The following TRPM7 variants were observed in gnomAD, a reference collection of about 807,000 sequenced individuals.
TRPM7 encodes transient receptor potential cation channel subfamily M member 7.
TRPM7 carries 134 observed loss-of-function variants against 229.7 expected under a neutral mutation model. The observed-to-expected ratio is 0.58, with a 90% confidence interval of 0.51 to 0.67. TRPM7 has a LOEUF of 0.67. Among genes scored for constraint, TRPM7 ranks in the 30% least tolerant of loss-of-function variants. The pLI, the probability that TRPM7 is intolerant of heterozygous loss-of-function variation, is 0.00. For missense variants in TRPM7, 1,901 were observed against 2,210.0 expected, an observed-to-expected ratio of 0.86 and a Z score of 2.80; for synonymous variants, 699 against 715.2, an observed-to-expected ratio of 0.98 and a Z score of 0.36.
Position 50,592,138 on chromosome 15 carries a change from C to T in TRPM7, c.4097G>A (p.Arg1366Gln), listed in dbSNP as rs770548523. 1.2e-5 allele frequency: 20 copies of T among 1,613,232 alleles called. No individual in the cohort carries two copies. The highest frequency in any genetic ancestry group is 4.5e-5 in the East Asian group (2 of 44,886). Residue 1366 changes from arginine to glutamine, a missense_variant, in exon 26 of 39, where the codon CGA becomes CAA. By Grantham distance (43) the Arg-to-Gln change is conservative. Around this residue, in one of 8 missense-constraint regions of TRPM7, gnomAD observed 533 missense variants for 497.1 expected, o/e 1.07. Transcript: ENST00000646667. ...FPSAVSPPEL[R>Q]QRLHGVELLK... ...GAGTTCTACCCCATGTAGTCTCTGT[C>T]GCAGTTCTGGAGGGGAAACAGCACT...
At chr15:50,652,428 T>C (rs1162555656) in intron 3 of TRPM7, among the ~76,000 whole-genome samples, 1 of 124,246 alleles carries the variant, frequency 8.0e-6, no homozygotes, top group Non-Finnish European at 1.7e-5. Flanking sequence ...ATTGAAAAGA[T>C]AAATAAAATT....
intron 1 of TRPM7, among the ~76,000 whole-genome samples, chr15:50,670,794 G>GT (rs1228533434): frequency 8.0e-6 from 1 of 124,986 alleles, no homozygotes; most frequent in African/African-American, 3.0e-5. Flanking sequence ...TCACTTTACT[G>GT]TAAAAAAAAG....
In TRPM7 at chr15:50,560,317, T is replaced by C. The variant is rs1011642721; in HGVS notation, c.*1361A>G. ...ATCTGTAAACAATAAATTTATTTCA[T>C]TTCTTTTAAAGATTTAATGATATAC... On this transcript the variant is annotated 3_prime_UTR_variant, in exon 39 of 39. Coordinates refer to ENST00000646667, the MANE Select transcript of TRPM7 (RefSeq NM_017672.6). 1.3e-5 allele frequency: 2 copies of C among 152,584 alleles called. No homozygotes were observed. The highest frequency in any genetic ancestry group is 2.9e-5 in the Non-Finnish European group (2 of 68,032). 9.5% of individuals were successfully genotyped at this position (152,584 alleles called of 1,614,324 possible). A position where few individuals can be genotyped will look rare whatever the true frequency, so the allele number is the denominator to read the frequency against.
chr15:50,566,464 G>A (rs1275995753), intron 38 of TRPM7, among the ~76,000 whole-genome samples: 1 of 152,084 alleles, frequency 6.6e-6, no homozygotes, highest in Non-Finnish European at 1.5e-5. Context: ...TTGGGAGGCC[G>A]AGTCGGGTAG....
chr15:50,567,936 G>A (rs919819450), intron 38 of TRPM7, among the ~76,000 whole-genome samples: 10 of 151,876 alleles, frequency 6.6e-5, no homozygotes, highest in Non-Finnish European at 1.3e-4. Flanking sequence ...AAAATTAGCC[G>A]GGCGCGGTGG....
At chr15:50,626,131 CTTATTA>C (rs937712833) in intron 11 of TRPM7, among the ~76,000 whole-genome samples, 1 of 152,104 alleles carries the variant, frequency 6.6e-6, no homozygotes, top group African/African-American at 2.4e-5. Flanking sequence ...TACACTGATT[CTTATTA>C]TAACTGCAGG....
In TRPM7 at chr15:50,663,057, A is replaced by ATGTTTTAAATTT; in HGVS notation, c.4-12_4-11insAAATTTAAAACA. 1 of 1,599,006 alleles carries ATGTTTTAAATTT rather than the reference A, an allele frequency of 6.3e-7. No individual in the cohort carries two copies. The highest frequency in any genetic ancestry group is 8.6e-7 in the Non-Finnish European group (1 of 1,166,830). On this transcript the variant is annotated splice_polypyrimidine_tract_variant and intron_variant, in intron 1 of 38. Coordinates refer to ENST00000646667, the MANE Select transcript of TRPM7 (RefSeq NM_017672.6). ...CCAGGATTTCTGGGACTAAAACAAA[A>ATGTTTTAAATTT]TGTTTTAAAGAATTGTTTATAAGTT...
intron 38 of TRPM7, among the ~76,000 whole-genome samples, chr15:50,564,248 A>AAAAATAAAAATAAAATAAAATAAAT (rs2053461388): frequency 8.0e-6 from 1 of 124,744 alleles, no homozygotes; most frequent in African/African-American, 3.4e-5. Flanking sequence ...GACTGTCTCA[A>AAAAATAAAAATAAAATAAAATAAAT]AAAATAAAAT....
At chr15:50,585,471 T>C (rs1252359310) in intron 28 of TRPM7, among the ~76,000 whole-genome samples, 1 of 152,258 alleles carries the variant, frequency 6.6e-6, no homozygotes, top group Non-Finnish European at 1.5e-5. Context: ...TAGTTCACTA[T>C]GAAGTTTGAT....
intron 28 of TRPM7, among the ~76,000 whole-genome samples, chr15:50,583,565 T>A (rs2140314308): frequency 6.9e-6 from 1 of 145,382 alleles, no homozygotes; most frequent in East Asian, 2.1e-4. Flanking sequence ...TTTTAAACTT[T>A]AAGCTTAGAG....
chr15:50,576,498 T>C (rs1160941388), intron 31 of TRPM7, among the ~76,000 whole-genome samples: 1 of 152,212 alleles, frequency 6.6e-6, no homozygotes, highest in Admixed American at 6.5e-5. Flanking sequence ...TATAAAAATA[T>C]ACTTTAAAAA....
chr15:50,566,081 T>A (rs2053586186), intron 38 of TRPM7, among the ~76,000 whole-genome samples: 2 of 151,926 alleles, frequency 1.3e-5, no homozygotes, highest in Admixed American at 1.3e-4. Context: ...TGCCTCGGCC[T>A]CCCAAAGTGC....
At chr15:50,586,811 G>A (rs1027392330) in intron 27 of TRPM7, among the ~76,000 whole-genome samples, 15 of 152,264 alleles carry the variant, frequency 9.9e-5, no homozygotes, top group South Asian at 6.2e-4. Flanking sequence ...GATGTCAAGA[G>A]ATCGAGACCA....
intron 1 of TRPM7, among the ~76,000 whole-genome samples, chr15:50,679,017 G>A (rs978512433): frequency 6.6e-6 from 1 of 152,120 alleles, no homozygotes; most frequent in Admixed American, 6.5e-5. Context: ...GGGACTACAG[G>A]TGCGTGCCAC....
Position 50,605,192 on chromosome 15 carries a change from T to C in TRPM7, c.2710-48A>G, listed in dbSNP as rs529378595. On this transcript the variant is annotated intron_variant, in intron 20 of 38. Coordinates refer to ENST00000646667, the MANE Select transcript of TRPM7 (RefSeq NM_017672.6). Reference sequence around the variant, plus strand: ...AAAAAGTGTAATCAGTTTATTCCTATTAAAACACATACAGCATTCAACTAT... The same window carrying C: ...AAAAAGTGTAATCAGTTTATTCCTACTAAAACACATACAGCATTCAACTAT... 8 of 1,411,996 alleles carry C rather than the reference T, an allele frequency of 5.7e-6. No homozygotes were observed. The East Asian group carries it at 1.8e-4, about 32-fold the overall frequency. The allele number at this position is 1,411,996 out of a possible 1,614,324, so 87.5% of individuals were successfully genotyped here.
intron 38 of TRPM7, among the ~76,000 whole-genome samples, chr15:50,564,923 C>T (rs2053526296): frequency 6.6e-6 from 1 of 151,844 alleles, no homozygotes; most frequent in Non-Finnish European, 1.5e-5. Context: ...ATATTGTTAA[C>T]TAGTAAGTGT....
chr15:50,615,648 A>T (rs1225161376), intron 13 of TRPM7, among the ~76,000 whole-genome samples: 1 of 151,696 alleles, frequency 6.6e-6, no homozygotes, highest in Non-Finnish European at 1.5e-5. Context: ...TATTTTTACT[A>T]TCTTGGTTTC....
intron 3 of TRPM7, among the ~76,000 whole-genome samples, chr15:50,652,850 G>A (rs912226775): frequency 6.6e-6 from 1 of 152,008 alleles, no homozygotes; most frequent in Non-Finnish European, 1.5e-5. Flanking sequence ...AGAAAAAAAG[G>A]CAAAGCATTA....
rs1183534778 is a variant in TRPM7, at chr15:50,586,415, G to A, written c.4463C>T (p.Ser1488Phe). The part of the protein sequence containing the change: ...LAGFTDCHRT[S>F]IPVHSKQAEK... ...ACCTTGTTTTGAATGAACAGGAATG[G>A]AAGTTCTGTGACAGTCAGTAAATCC... Residue 1488 changes from serine (S) to phenylalanine (F), a missense_variant, in exon 28 of 39, where the codon TCC becomes TTC. Physicochemically the swap from Ser to Phe is radical, Grantham distance 155 (BLOSUM62 -2). Coordinates refer to ENST00000646667, the MANE Select transcript of TRPM7 (RefSeq NM_017672.6). 1 of 1,611,946 alleles carries A rather than the reference G, an allele frequency of 6.2e-7. No individual in the cohort carries two copies. Among genetic ancestry groups the A allele is most frequent in the Non-Finnish European group, 8.5e-7 (1 of 1,178,284 alleles).
Sources: allele counts gnomAD v4.1 joint callset (sites outside exome capture counted in the v4.1 genomes callset), GRCh38; gene constraint gnomAD v4.1.1; regional missense constraint gnomAD v4.1.1; transcripts MANE v1.5; gene names NCBI Gene and HGNC (gene_info 2026-07-23, HGNC 2026-07-21).